Variants in COL22A1 observed in about 807,000 individuals in gnomAD.
COL22A1 encodes the protein collagen type XXII alpha 1 chain, also known as collagen alpha-1(XXII) chain.
COL22A1 carries 221 observed loss-of-function variants against 248.9 expected under a neutral mutation model. The ratio of observed to expected loss-of-function variants is 0.89; its 90% confidence interval spans 0.80 to 0.99. COL22A1 has a LOEUF of 0.99. Ranked by LOEUF, COL22A1 falls within the 50% of genes least tolerant of loss-of-function variation. The pLI is 0.00. For synonymous variants in COL22A1, 891 were observed against 793.4 expected (o/e 1.12, Z -2.07); for missense variants, 2,240 against 2,179.0 (o/e 1.03, Z -0.56).
At chr8:138,696,752 A>G (rs1461524527) in intron 32 of COL22A1, among the ~76,000 whole-genome samples, 1 of 152,252 alleles carries the variant, frequency 6.6e-6, no homozygotes, top group Non-Finnish European at 1.5e-5. Flanking sequence ...TGACCAATAC[A>G]GAGGAGGTTT....
chr8:138,694,634 C>T (rs1389071592), intron 33 of COL22A1, 73 bp from the exon 34 acceptor site: 10 of 1,510,340 alleles, frequency 6.6e-6, no homozygotes, highest in South Asian at 1.2e-5. Context: ...GGGGCGGGGA[C>T]GTTGCAATGG....
At chr8:138,751,540 A>G in intron 21 of COL22A1, 29 bp from the exon 22 acceptor site, 1 of 1,540,922 alleles carries the variant, frequency 6.5e-7, no homozygotes, top group Non-Finnish European at 8.9e-7. Flanking sequence ...GGAAAAAGAG[A>G]GAGAAACATA....
intron 44 of COL22A1, among the ~76,000 whole-genome samples, chr8:138,659,764 G>T (rs553452433): frequency 6.6e-6 from 1 of 152,172 alleles, no homozygotes; most frequent in Admixed American, 6.5e-5. Flanking sequence ...TAGGACTCTC[G>T]GGCTGGACTG....
intron 9 of COL22A1, 143 bp from the exon 10 acceptor site, chr8:138,807,955 T>A (rs1488889728): frequency 2.6e-6 from 2 of 764,162 alleles, no homozygotes; most frequent in South Asian, 3.4e-5. Flanking sequence ...GGCAAGGAAA[T>A]TGGTTGACTG....
chr8:138,623,595 G>T, intron 52 of COL22A1, 137 bp downstream of exon 52: 1 of 736,454 alleles, frequency 1.4e-6, no homozygotes, highest in South Asian at 1.7e-5. Context: ...TTACTGTGCA[G>T]GAGTATGTAA....
At chr8:138,648,630 G>T (rs1822411975) in intron 46 of COL22A1, among the ~76,000 whole-genome samples, 1 of 152,022 alleles carries the variant, frequency 6.6e-6, no homozygotes, top group South Asian at 2.1e-4. Context: ...TTCTCTAGGA[G>T]TTAGGATCCA....
Position 138,598,752 on chromosome 8 carries a change from C to T in COL22A1, c.4332G>A (p.Gly1444=). ...PGENGPVGPP[G]PPGQPGFPGL... ...CTGGAAATCCCGGCTGGCCTGGAGG[C>T]CCTGGGGGTCCAACTGGTCCATTCT... The change falls in exon 61 of 65, where the codon GGG becomes GGA. Residue 1444 remains glycine (G), a synonymous_variant. Transcript: ENST00000303045. 1 of 1,613,942 alleles carries T rather than the reference C, an allele frequency of 6.2e-7. No homozygotes were observed. Among genetic ancestry groups the T allele is most frequent in the South Asian group, 1.1e-5 (1 of 91,070 alleles).
At chr8:138,820,269 C>T (rs1325740556) in intron 7 of COL22A1, among the ~76,000 whole-genome samples, 3 of 152,174 alleles carry the variant, frequency 2.0e-5, no homozygotes, top group Non-Finnish European at 4.4e-5. Context: ...GCTTTCCCCA[C>T]ATCATGTTTC....
chr8:138,607,481 C>T (rs1278675916), intron 57 of COL22A1, among the ~76,000 whole-genome samples: 1 of 152,082 alleles, frequency 6.6e-6, no homozygotes, highest in Non-Finnish European at 1.5e-5. Context: ...CCTCTCTCTA[C>T]TGCCTGCCCA....
Position 138,762,445 on chromosome 8 carries a change from A to G in COL22A1, c.1825T>C (p.Phe609Leu). 1 of 1,614,144 alleles carries G rather than the reference A, an allele frequency of 6.2e-7. No homozygotes were observed. Among genetic ancestry groups the G allele is most frequent in the Non-Finnish European group, 8.5e-7 (1 of 1,180,004 alleles). ...GEKGERGLDGFPGKPGDTGQQ... is the reference protein window; with the variant it reads ...GEKGERGLDGLPGKPGDTGQQ... Reference sequence around the variant, plus strand: ...CCTGTGTCCCCAGGCTTCCCAGGGAATCCATCCAGGCCTCGCTCTCCCTGG... The same window carrying G: ...CCTGTGTCCCCAGGCTTCCCAGGGAGTCCATCCAGGCCTCGCTCTCCCTGG... The change falls in exon 17 of 65, where the codon TTC (phenylalanine) becomes CTC (leucine). Residue 609 changes from phenylalanine to leucine, a missense_variant. Coordinates refer to ENST00000303045, the MANE Select transcript of COL22A1 (RefSeq NM_152888.3).
intron 1 of COL22A1, 27 bp from the exon 2 acceptor site, chr8:138,883,271 A>AAAGTCTGTGAG: frequency 8.2e-7 from 1 of 1,226,408 alleles, no homozygotes; most frequent in South Asian, 1.4e-5. Flanking sequence ...ACCCTTAGAG[A>AAAGTCTGTGAG]AGGCTCTCAA....
At chr8:138,873,374 T>C (rs117501374) in intron 3 of COL22A1, among the ~76,000 whole-genome samples, 1,900 of 152,258 alleles carry the variant, frequency 0.012, 19 homozygotes, top group Admixed American at 0.025. Context: ...AAACAGATCA[T>C]TGCCCATGAA....
At chr8:138,896,868 G>C (rs1295412551) in intron 1 of COL22A1, among the ~76,000 whole-genome samples, 1 of 152,034 alleles carries the variant, frequency 6.6e-6, no homozygotes, top group Admixed American at 6.6e-5. Context: ...AGCTACTTGC[G>C]GGGCTGAGGC....
At chr8:138,674,975 T>C (rs1825395589) in intron 41 of COL22A1, among the ~76,000 whole-genome samples, 3 of 152,214 alleles carry the variant, frequency 2.0e-5, no homozygotes, top group Non-Finnish European at 2.9e-5. Context: ...AAAATGAATG[T>C]AATGAAGTGG....
At chr8:138,816,266 A>G (rs142619496) in intron 7 of COL22A1, among the ~76,000 whole-genome samples, 1,565 of 152,190 alleles carry the variant, frequency 0.01, 28 homozygotes, top group African/African-American at 0.034. Flanking sequence ...CTCTGAGCCA[A>G]GAGGGGCCCC....
chr8:138,750,095 GC>G (rs1446946993), intron 22 of COL22A1, among the ~76,000 whole-genome samples: 2 of 152,160 alleles, frequency 1.3e-5, no homozygotes, highest in Admixed American at 6.5e-5. Flanking sequence ...CTCCCTCTTT[GC>G]CTGCTGCCAC....
chr8:138,621,533 T>G (rs906664659), intron 52 of COL22A1, among the ~76,000 whole-genome samples: 3 of 152,188 alleles, frequency 2.0e-5, no homozygotes, highest in Non-Finnish European at 4.4e-5. Context: ...TATTCTGAAC[T>G]GTAAACAACA....
At chr8:138,836,949 T>C (rs1820484763) in intron 4 of COL22A1, among the ~76,000 whole-genome samples, 1 of 152,172 alleles carries the variant, frequency 6.6e-6, no homozygotes, top group Non-Finnish European at 1.5e-5. Context: ...TCTATTATGT[T>C]TAACGCAGCC....
chr8:138,859,169 C>T (rs1164459523), intron 3 of COL22A1, among the ~76,000 whole-genome samples: 1 of 152,232 alleles, frequency 6.6e-6, no homozygotes, highest in Non-Finnish European at 1.5e-5. Context: ...CTGCCAGCCA[C>T]GTTCTCCCAT....
Sources: allele counts gnomAD v4.1 joint callset (sites outside exome capture counted in the v4.1 genomes callset), GRCh38; gene constraint gnomAD v4.1.1; transcripts MANE v1.5; gene names NCBI Gene and HGNC (gene_info 2026-07-23, HGNC 2026-07-21).